Variants in KLF13 observed in about 807,000 individuals in gnomAD.
The protein encoded by KLF13 is KLF transcription factor 13, also known as Krueppel-like factor 13.
Under a neutral mutation model 16.7 loss-of-function variants are expected in KLF13, and 8 were observed. That is an observed-to-expected ratio of 0.48 (90% CI 0.28 to 0.87). The LOEUF (loss-of-function observed/expected upper bound fraction) is 0.87. Among genes scored for constraint, KLF13 ranks in the 40% least tolerant of loss-of-function variants. KLF13 has a pLI of 0.10. For missense variants in KLF13, 447 were observed against 452.2 expected, an observed-to-expected ratio of 0.99 and a Z score of 0.10; for synonymous variants, 245 against 208.4, an observed-to-expected ratio of 1.18 and a Z score of -1.51.
intron 1 of KLF13, among the ~76,000 whole-genome samples, chr15:31,338,534 G>A (rs1427656479): frequency 1.3e-5 from 2 of 152,162 alleles, no homozygotes; most frequent in Non-Finnish European, 2.9e-5. Context: ...CTTAAAGGCC[G>A]GTCTCTACAA....
intron 1 of KLF13, among the ~76,000 whole-genome samples, chr15:31,354,595 G>C (rs1269874440): frequency 2.6e-5 from 4 of 152,196 alleles, no homozygotes; most frequent in African/African-American, 9.6e-5. Flanking sequence ...ATGTTGGCCG[G>C]GCTGGTCTTG....
intron 1 of KLF13, among the ~76,000 whole-genome samples, chr15:31,430,621 G>A (rs1345488068): frequency 6.6e-6 from 1 of 152,036 alleles, no homozygotes; most frequent in Non-Finnish European, 1.5e-5. Flanking sequence ...TCTCCTTAAG[G>A]CCCCACCTCT....
intron 1 of KLF13, among the ~76,000 whole-genome samples, chr15:31,426,471 A>G (rs1001253946): frequency 3.3e-5 from 5 of 152,210 alleles, no homozygotes; most frequent in African/African-American, 9.6e-5. Context: ...GACTATATCA[A>G]ACTTAAACCC....
chr15:31,430,714 TCAA>T (rs2040462036), intron 1 of KLF13, among the ~76,000 whole-genome samples: 2 of 152,324 alleles, frequency 1.3e-5, no homozygotes, highest in South Asian at 4.1e-4. Context: ...ACAAAATGTT[TCAA>T]CAAGTTGAAA....
intron 1 of KLF13, among the ~76,000 whole-genome samples, chr15:31,422,691 C>G (rs763118800): frequency 1.4e-4 from 22 of 152,106 alleles, no homozygotes; most frequent in Admixed American, 5.2e-4. Flanking sequence ...AAAATAGACT[C>G]TAAGACAAAA....
chr15:31,400,727 C>T (rs958628060), intron 2 of KLF13, among the ~76,000 whole-genome samples: 6 of 148,276 alleles, frequency 4.0e-5, no homozygotes, highest in African/African-American at 7.5e-5. Context: ...GGAGGAGGGT[C>T]GAGGGAGGGG....
intron 1 of KLF13, among the ~76,000 whole-genome samples, chr15:31,384,067 G>A (rs777911471): frequency 6.6e-6 from 1 of 152,204 alleles, no homozygotes; most frequent in Non-Finnish European, 1.5e-5. Context: ...TTGCAAAACA[G>A]TACAGAAGTA....
chr15:31,345,631 C>T (rs1201770594), intron 1 of KLF13, among the ~76,000 whole-genome samples: 1 of 152,204 alleles, frequency 6.6e-6, no homozygotes, highest in Non-Finnish European at 1.5e-5. Flanking sequence ...TGGCCCCCAT[C>T]CCCCTCACCA....
chr15:31,380,655 C>T (rs1429017939), downstream of KLF13, among the ~76,000 whole-genome samples: 1 of 152,180 alleles, frequency 6.6e-6, no homozygotes, highest in Non-Finnish European at 1.5e-5. Context: ...CAATTACCCC[C>T]AATCAAACCT....
intron 1 of KLF13, among the ~76,000 whole-genome samples, chr15:31,329,033 C>T (rs1212867438): frequency 6.6e-6 from 1 of 151,968 alleles, no homozygotes; most frequent in Non-Finnish European, 1.5e-5. Flanking sequence ...TTTTTTTTAC[C>T]ATTTGGAACT....
chr15:31,374,010 C>G lies in KLF13; in HGVS notation c.*1711C>G, dbSNP rs577362365. 5 of 152,794 alleles carry G rather than the reference C, an allele frequency of 3.3e-5. No individual in the cohort carries two copies. The highest frequency in any genetic ancestry group is 1.2e-4 in the African/African-American group (5 of 41,558). The allele number at this position is 152,794 out of a possible 1,614,324, so 9.5% of individuals were successfully genotyped here. ...CCTCAGAGGGCCACAGATGGGCTTC[C>G]TGGGCCTAGCGTGCCTTGGTTGTGG... On this transcript the variant is annotated 3_prime_UTR_variant, in exon 2 of 2. Coordinates refer to ENST00000307145, the MANE Select transcript of KLF13 (RefSeq NM_015995.4).
chr15:31,405,848 C>T (rs1390780605), downstream of KLF13, among the ~76,000 whole-genome samples: 3 of 152,194 alleles, frequency 2.0e-5, no homozygotes, highest in Admixed American at 1.3e-4. Context: ...AAAACAGTCA[C>T]AAGACAGAAG....
intron 1 of KLF13, among the ~76,000 whole-genome samples, chr15:31,423,176 C>CGTGTATATATACGTATATATACGT (rs149346729): frequency 5.9e-5 from 1 of 17,000 alleles, no homozygotes; most frequent in African/African-American, 5.1e-4. Context: ...TATATATATA[C>CGTGTATATATACGTATATATACGT]ATATATACGT....
chr15:31,392,365 G>A (rs1458374448), upstream of KLF13, among the ~76,000 whole-genome samples: 1 of 152,238 alleles, frequency 6.6e-6, no homozygotes, highest in Non-Finnish European at 1.5e-5. Flanking sequence ...TTGGCCGCGG[G>A]CTGGGGCGCC....
At chr15:31,421,638 G>A (rs2040325269) in intron 1 of KLF13, among the ~76,000 whole-genome samples, 1 of 151,570 alleles carries the variant, frequency 6.6e-6, no homozygotes, top group African/African-American at 2.4e-5. Context: ...ATCTGTAGAA[G>A]ATATACAGAA....
chr15:31,430,023 G>A (rs948504590), intron 1 of KLF13, among the ~76,000 whole-genome samples: 6 of 152,104 alleles, frequency 3.9e-5, no homozygotes, highest in East Asian at 1.9e-4. Flanking sequence ...ATGAGCCACC[G>A]TGCCTGGCCT....
chr15:31,372,883 A>C lies in KLF13; in HGVS notation c.*584A>C, dbSNP rs1261074830. 6.6e-6 allele frequency: 1 copy of C among 152,512 alleles called. No individual in the cohort carries two copies. Among genetic ancestry groups the C allele is most frequent in the African/African-American group, 2.4e-5 (1 of 41,472 alleles). 9.4% of individuals were successfully genotyped at this position (152,512 alleles called of 1,614,324 possible). On this transcript the variant is annotated 3_prime_UTR_variant, in exon 2 of 2. Coordinates refer to ENST00000307145, the MANE Select transcript of KLF13 (RefSeq NM_015995.4). ...CTGATTCTGAGACAGGCCCCTGCAG[A>C]GGGATGCCTTAAAGCTGTCCCTGGC... is the stretch of plus-strand genomic sequence containing the variant.
rs538142953 is a variant in KLF13, at chr15:31,399,687, G to C, written n.530-3741G>C. On this transcript the variant is annotated intron_variant and non_coding_transcript_variant, in intron 2 of 2. Transcript: ENST00000500533. ...GACAAGGGGTGTGGTCTCAGAGTCA[G>C]AGCTGGCTCAGCTTGGGTGGATGTG... Among the ~76,000 whole-genome samples, 19 of 152,370 alleles carry C rather than the reference G, an allele frequency of 1.2e-4. No individual in the cohort carries two copies. The East Asian group carries it at 3.7e-3, about 29-fold the overall frequency.
intron 1 of KLF13, among the ~76,000 whole-genome samples, chr15:31,413,917 A>G (rs1439505282): frequency 6.6e-6 from 1 of 152,212 alleles, no homozygotes; most frequent in Non-Finnish European, 1.5e-5. Flanking sequence ...TATATCATGC[A>G]TTGTTGAGCC....
Sources: allele counts gnomAD v4.1 joint callset (sites outside exome capture counted in the v4.1 genomes callset), GRCh38; gene constraint gnomAD v4.1.1; transcripts MANE v1.5; gene names NCBI Gene and HGNC (gene_info 2026-07-23, HGNC 2026-07-21).